ZFHX3: variants seen among roughly 807,000 people sequenced by gnomAD.
The protein encoded by ZFHX3 is zinc finger homeobox 3.
A neutral mutation model predicts 279.1 loss-of-function variants in ZFHX3; 42 were observed. The ratio of observed to expected loss-of-function variants is 0.15; its 90% CI spans 0.12 to 0.19. The LOEUF (loss-of-function observed/expected upper bound fraction) is 0.19. Ranked by LOEUF, ZFHX3 falls within the 10% of genes least tolerant of loss-of-function variation. The pLI, the probability that ZFHX3 is intolerant of heterozygous loss-of-function variation, is 1.00. For synonymous variants in ZFHX3, 2,293 were observed against 1,957.8 expected, an observed-to-expected ratio of 1.17 and a Z score of -4.52; for missense variants, 4,981 against 4,754.0, an observed-to-expected ratio of 1.05 and a Z score of -1.40.
intron 4 of ZFHX3, among the ~76,000 whole-genome samples, chr16:72,846,281 G>T (rs1053490974): frequency 6.6e-6 from 1 of 152,248 alleles, no homozygotes; most frequent in African/African-American, 2.4e-5. Context: ...AGACCTGGAA[G>T]AAGTGAGAGT....
intron 1 of ZFHX3, among the ~76,000 whole-genome samples, chr16:73,717,885 C>T (rs891661522): frequency 6.6e-6 from 1 of 152,214 alleles, no homozygotes; most frequent in Non-Finnish European, 1.5e-5. Flanking sequence ...ATGCAGCCCT[C>T]CAGCCTGTGG....
rs1555541474 is a variant in ZFHX3 at position 73,015,064 on chromosome 16, T to TG, written c.-50+32687dup. 4.2e-3 allele frequency: 474 copies of TG among 113,582 alleles called. 2 individuals carry two copies. Among genetic ancestry groups the TG allele is most frequent in the African/African-American group, 0.017 (459 of 27,572 alleles). The allele number at this position is 113,582 out of a possible 1,614,324, so 7.0% of individuals were successfully genotyped here. A position where few individuals can be genotyped will look rare whatever the true frequency, so the allele number is the denominator to read the frequency against. On this transcript the variant is annotated intron_variant, in intron 1 of 9. Transcript: ENST00000268489. ...TCTTTTTTTTTTTTTTTTTTTTTTT[T>TG]GAGATAGGGTCTCACTCTGTCTCTC...
intron 3 of ZFHX3, among the ~76,000 whole-genome samples, chr16:73,336,696 T>C (rs1055424065): frequency 6.6e-6 from 1 of 152,150 alleles, no homozygotes; most frequent in African/African-American, 2.4e-5. Context: ...GCGATGAATA[T>C]ACGTGCACAT....
intron 6 of ZFHX3, among the ~76,000 whole-genome samples, chr16:73,136,974 C>A (rs754443529): frequency 2.0e-5 from 3 of 151,178 alleles, no homozygotes; most frequent in Non-Finnish European, 4.4e-5. Context: ...GCTTTGATTA[C>A]ATGGAAAATG....
chr16:73,187,695 C>T (rs1401919453), intron 5 of ZFHX3, among the ~76,000 whole-genome samples: 3 of 152,130 alleles, frequency 2.0e-5, no homozygotes, highest in East Asian at 1.9e-4. Flanking sequence ...TGGATGACAG[C>T]GATTTGCCCT....
At chr16:73,538,248 G>T (rs970741960) in intron 2 of ZFHX3, among the ~76,000 whole-genome samples, 5 of 152,044 alleles carry the variant, frequency 3.3e-5, no homozygotes, top group Non-Finnish European at 7.4e-5. Flanking sequence ...AAGACTTCAT[G>T]TCACCAGTTT....
intron 1 of ZFHX3, among the ~76,000 whole-genome samples, chr16:73,772,098 G>A (rs1396075641): frequency 6.6e-6 from 1 of 152,088 alleles, no homozygotes; most frequent in East Asian, 1.9e-4. Context: ...GAATCTTCTT[G>A]GGTGAGGCAG....
chr16:73,116,072 A>G (rs1381685613), intron 7 of ZFHX3, among the ~76,000 whole-genome samples: 1 of 151,734 alleles, frequency 6.6e-6, no homozygotes, highest in Non-Finnish European at 1.5e-5. Context: ...GTGAGCAGAG[A>G]TCATGCCAGT....
rs774600141 is a variant in ZFHX3 at position 72,798,626 on chromosome 16, G to A, written c.4056C>T (p.Gly1352=). The A allele has an allele frequency of 6.2e-7, 1 of 1,614,060 alleles. No individual in the cohort carries two copies. Among genetic ancestry groups the A allele is most frequent in the Non-Finnish European group, 8.5e-7 (1 of 1,180,002 alleles). ...GDLKPSPADP[G]SVREDSGFIC... is the part of the protein sequence containing the mutation. Reference sequence around the variant, plus strand: ...TGAAGCCTGAGTCTTCTCTCACAGAGCCTGGGTCAGCAGGGGATGGTTTCA... The same window carrying A: ...TGAAGCCTGAGTCTTCTCTCACAGAACCTGGGTCAGCAGGGGATGGTTTCA... Residue 1352 remains glycine (G), a synonymous_variant, in exon 9 of 10, where the codon GGC becomes GGT. Coordinates refer to ENST00000268489, the MANE Select transcript of ZFHX3 (RefSeq NM_006885.4).
chr16:73,697,434 A>G (rs374268943), intron 1 of ZFHX3, among the ~76,000 whole-genome samples: 5 of 152,334 alleles, frequency 3.3e-5, no homozygotes, highest in Admixed American at 2.6e-4. Context: ...TCACTCAATT[A>G]TTAAAATATC....
chr16:73,461,103 G>A (rs922051752), intron 2 of ZFHX3, among the ~76,000 whole-genome samples: 3 of 152,148 alleles, frequency 2.0e-5, no homozygotes, highest in African/African-American at 7.2e-5. Context: ...ATTATAATAG[G>A]TTTGTCATGA....
intron 1 of ZFHX3, among the ~76,000 whole-genome samples, chr16:73,861,627 C>T (rs1961883544): frequency 6.6e-6 from 1 of 152,140 alleles, no homozygotes; most frequent in Non-Finnish European, 1.5e-5. Flanking sequence ...GCCATTGGCA[C>T]CATGTTCCAG....
At chr16:73,428,548 G>A (rs890539991) in intron 3 of ZFHX3, among the ~76,000 whole-genome samples, 12 of 152,150 alleles carry the variant, frequency 7.9e-5, no homozygotes, top group African/African-American at 1.9e-4. Flanking sequence ...GGGTCAGCCA[G>A]GCATGCAGGG....
chr16:73,174,713 G>T (rs1004593587), intron 5 of ZFHX3, among the ~76,000 whole-genome samples: 3 of 151,924 alleles, frequency 2.0e-5, no homozygotes, highest in Non-Finnish European at 2.9e-5. Flanking sequence ...GACCCAGAGG[G>T]ATCCTTTAAA....
chr16:73,006,127 T>A (rs1012181270), intron 1 of ZFHX3: 1 of 152,212 alleles, frequency 6.6e-6, no homozygotes, highest in Admixed American at 6.5e-5. Flanking sequence ...TCCTGACCAG[T>A]TCAATAAGGT....
intron 3 of ZFHX3, among the ~76,000 whole-genome samples, chr16:73,349,440 T>C (rs2016182947): frequency 6.6e-6 from 1 of 151,408 alleles, no homozygotes; most frequent in Non-Finnish European, 1.5e-5. Flanking sequence ...GAGGTGTTAG[T>C]AGCAGTTGTG....
chr16:73,289,576 GTCCTAGGCTGGCAATCCAAGCCA>G (rs1200864746), intron 4 of ZFHX3, among the ~76,000 whole-genome samples: 1 of 151,960 alleles, frequency 6.6e-6, no homozygotes, highest in Admixed American at 6.5e-5. Context: ...CACAGCTGAG[GTCCTAGGCTGGCAATCCAAGCCA>G]TGTCCCCAGG....
At chr16:73,283,038 T>C (rs1406089075) in intron 4 of ZFHX3, among the ~76,000 whole-genome samples, 1 of 152,202 alleles carries the variant, frequency 6.6e-6, no homozygotes, top group African/African-American at 2.4e-5. Context: ...AATAAATAAA[T>C]CTATACTAAA....
intron 3 of ZFHX3, among the ~76,000 whole-genome samples, chr16:73,415,259 G>A (rs924934791): frequency 2.0e-5 from 3 of 152,190 alleles, no homozygotes; most frequent in African/African-American, 4.8e-5. Context: ...AGAAGAAACA[G>A]ACTTGGCTTA....
Sources: allele counts gnomAD v4.1 joint callset (sites outside exome capture counted in the v4.1 genomes callset), GRCh38; gene constraint gnomAD v4.1.1; transcripts MANE v1.5; gene names NCBI Gene and HGNC (gene_info 2026-07-23, HGNC 2026-07-21).